Variants in CLASP1 observed in about 807,000 individuals in gnomAD.
CLASP1 encodes the protein cytoplasmic linker associated protein 1.
CLASP1 carries 38 observed loss-of-function variants against 192.3 expected under a neutral mutation model. That is an observed-to-expected ratio of 0.20 (90% CI 0.15 to 0.26). The LOEUF (loss-of-function observed/expected upper bound fraction) is 0.26, where lower values mean the gene tolerates loss of function less well. Ranked by LOEUF, CLASP1 falls within the 10% of genes least tolerant of loss-of-function variation. The probability of loss-of-function intolerance (pLI) is 1.00; values close to 1 mark genes in which losing one functional copy is unlikely to be tolerated. For synonymous variants in CLASP1, 691 were observed against 712.8 expected, an observed-to-expected ratio of 0.97 and a Z score of 0.49; for missense variants, 1,433 against 1,932.5, an observed-to-expected ratio of 0.74 and a Z score of 4.85.
chr2:121,564,230 AAGGT>A (rs1214147354), intron 2 of CLASP1, among the ~76,000 whole-genome samples: 4 of 152,212 alleles, frequency 2.6e-5, no homozygotes, highest in African/African-American at 4.8e-5. Flanking sequence ...AAAACAAAAA[AAGGT>A]GGCGGCGGGG....
At chr2:121,458,421 C>T (rs999358296) in intron 13 of CLASP1, among the ~76,000 whole-genome samples, 4 of 152,160 alleles carry the variant, frequency 2.6e-5, no homozygotes, top group African/African-American at 7.2e-5. Context: ...CATTTTGTTT[C>T]GTGCTTATGT....
intron 24 of CLASP1, chr2:121,407,953 C>A: frequency 1.6e-6 from 1 of 612,620 alleles, no homozygotes; most frequent in Non-Finnish European, 3.0e-6. Context: ...TAGTAAAGTG[C>A]GTAGACTTTA....
exon 40 of CLASP1, chr2:121,339,613 C>A (rs2062618370): frequency 6.6e-6 from 1 of 152,126 alleles, no homozygotes; most frequent in African/African-American, 2.4e-5. Flanking sequence ...AAAAGGGGGC[C>A]TAGTGGTTCG....
intron 8 of CLASP1, among the ~76,000 whole-genome samples, chr2:121,483,522 G>GTGTATATATATGTATGTATATATGTA (rs2092762668): frequency 6.6e-6 from 1 of 151,274 alleles, no homozygotes; most frequent in Non-Finnish European, 1.5e-5. Flanking sequence ...GTATATATGT[G>GTGTATATATATGTATGTATATATGTA]TGTGTATATA....
At chr2:121,343,879 T>C (rs532092616) in intron 39 of CLASP1, among the ~76,000 whole-genome samples, 96 of 152,274 alleles carry the variant, frequency 6.3e-4, no homozygotes, top group African/African-American at 2.3e-3. Flanking sequence ...GAGACCAGCC[T>C]GACCAACATG....
At chr2:121,636,097 G>A (rs1208025354) in intron 1 of CLASP1, among the ~76,000 whole-genome samples, 1 of 151,666 alleles carries the variant, frequency 6.6e-6, no homozygotes, top group African/African-American at 2.4e-5. Flanking sequence ...CCAGCACTTT[G>A]GGAGGCTAAG....
intron 2 of CLASP1, among the ~76,000 whole-genome samples, chr2:121,589,447 T>C (rs1159353876): frequency 6.6e-6 from 1 of 152,074 alleles, no homozygotes; most frequent in Non-Finnish European, 1.5e-5. Flanking sequence ...CTGGCCAACA[T>C]GGTAAAACCC....
chr2:121,462,439 T>C, intron 10 of CLASP1, 93 bp downstream of exon 10: 1 of 696,336 alleles, frequency 1.4e-6, no homozygotes. Flanking sequence ...TTACCTGACC[T>C]AGTAAACAAC....
intron 24 of CLASP1, among the ~76,000 whole-genome samples, chr2:121,410,072 T>C (rs2077480575): frequency 6.6e-6 from 1 of 152,232 alleles, no homozygotes; most frequent in Non-Finnish European, 1.5e-5. Context: ...GAAAGCAGGA[T>C]ATTACATACT....
At chr2:121,348,329 G>A (rs995177147) in intron 38 of CLASP1, among the ~76,000 whole-genome samples, 183 bp downstream of exon 39, 2 of 152,208 alleles carry the variant, frequency 1.3e-5, no homozygotes, top group Non-Finnish European at 2.9e-5. Flanking sequence ...ATTCAGGAGA[G>A]GGGGTGAGCT....
chr2:121,435,540 T>C (rs539106107), intron 19 of CLASP1, among the ~76,000 whole-genome samples: 18 of 152,254 alleles, frequency 1.2e-4, no homozygotes, highest in African/African-American at 3.1e-4. Flanking sequence ...TCCCAAAGTG[T>C]TGGGATTACA....
intron 7 of CLASP1, among the ~76,000 whole-genome samples, chr2:121,512,361 T>C (rs1195831213): frequency 6.6e-6 from 1 of 152,230 alleles, no homozygotes; most frequent in Non-Finnish European, 1.5e-5. Context: ...GTTAACATTT[T>C]ATTAAGTTGT....
At chr2:121,524,404 T>C (rs1317176568) in intron 6 of CLASP1, among the ~76,000 whole-genome samples, 5 of 152,064 alleles carry the variant, frequency 3.3e-5, no homozygotes, top group Non-Finnish European at 7.4e-5. Flanking sequence ...GAATATAAAG[T>C]ATGATTAAGT....
At chr2:121,595,506 T>A (rs1243507417) in intron 2 of CLASP1, among the ~76,000 whole-genome samples, 1 of 152,262 alleles carries the variant, frequency 6.6e-6, no homozygotes, top group Non-Finnish European at 1.5e-5. Flanking sequence ...GTTGCATGTA[T>A]CCTTATTTAA....
intron 34 of CLASP1, among the ~76,000 whole-genome samples, chr2:121,374,777 C>G (rs1381810733): frequency 6.6e-6 from 1 of 152,214 alleles, no homozygotes; most frequent in African/African-American, 2.4e-5. Context: ...TTGTTTTGGC[C>G]AATTTCTCCC....
chr2:121,608,813 G>GA (rs533718598), intron 1 of CLASP1, among the ~76,000 whole-genome samples: 2 of 151,594 alleles, frequency 1.3e-5, no homozygotes, highest in African/African-American at 4.8e-5. Flanking sequence ...CATTCTCAAT[G>GA]AAAAAAAATT....
intron 1 of CLASP1, among the ~76,000 whole-genome samples, chr2:121,620,220 CAA>C (rs201371353): frequency 1.6e-4 from 18 of 109,466 alleles, no homozygotes; most frequent in South Asian, 2.9e-4. Context: ...GATTCTGTCT[CAA>C]AAAAAAAAAA....
chr2:121,414,288 G>C (rs1230029152), intron 23 of CLASP1, among the ~76,000 whole-genome samples, 85 bp from the exon 24 acceptor site: 1 of 152,198 alleles, frequency 6.6e-6, no homozygotes, highest in Non-Finnish European at 1.5e-5. Context: ...AGGAAATGCA[G>C]AGACTGCTAC....
chr2:121,532,290 T>C (rs961783318), intron 2 of CLASP1: 1 of 152,230 alleles, frequency 6.6e-6, no homozygotes, highest in Admixed American at 6.5e-5. Context: ...ATTTTTTAAA[T>C]AATATAATAA....
Sources: gnomAD v4.1 joint callset for allele counts (sites outside exome capture counted in the v4.1 genomes callset) on GRCh38, gnomAD v4.1.1 for gene constraint, MANE v1.5 for transcripts, NCBI Gene and HGNC (gene_info 2026-07-23, HGNC 2026-07-21) for gene names.